The following POU1F1 variants were observed in gnomAD, a reference collection of about 807,000 sequenced individuals.
POU1F1 encodes the protein pituitary-specific positive transcription factor 1.
POU1F1 carries 23 observed loss-of-function variants against 32.3 expected under a neutral mutation model. That is an observed-to-expected ratio of 0.71 (90% CI 0.51 to 1.01). The LOEUF is 1.01. Among genes scored for constraint, POU1F1 ranks in the 50% least tolerant of loss-of-function variants. POU1F1 has a pLI of 0.00. For synonymous variants in POU1F1, 120 were observed against 115.6 expected (o/e 1.04, Z -0.25); for missense variants, 323 against 341.6 (o/e 0.95, Z 0.43).
chr3:87,270,556 C>T (rs769077966), intron 2 of POU1F1, among the ~76,000 whole-genome samples: 1 of 152,014 alleles, frequency 6.6e-6, no homozygotes, highest in Admixed American at 6.6e-5. Flanking sequence ...ATGAAATAAC[C>T]ATATGAAAAT....
chr3:87,264,171 C>G (rs1706568348), intron 3 of POU1F1, 117 bp downstream of exon 3: 6 of 837,218 alleles, frequency 7.2e-6, no homozygotes, highest in Admixed American at 2.0e-5. Flanking sequence ...ACTACGTCCA[C>G]AGTAGAGATG....
chr3:87,273,532 C>T lies in POU1F1; in HGVS notation c.143-114G>A, dbSNP rs750567346. 1.3e-4 allele frequency: 202 copies of T among 1,509,444 alleles called. 2 individuals carry two copies. Among genetic ancestry groups the T allele is most frequent in the South Asian group, 8.3e-4 (67 of 80,470 alleles). The allele number at this position is 1,509,444 out of a possible 1,614,324, so 93.5% of individuals were successfully genotyped here. On this transcript the variant is annotated intron_variant, in intron 1 of 5. Transcript: ENST00000350375. ...AATGTATAAGGATTCAAGACACATT[C>T]GTTTTATTTCAAAAATACACATTTA...
chr3:87,268,084 C>CCTTTTTTTTTTT (rs747971339), intron 2 of POU1F1, among the ~76,000 whole-genome samples: 2 of 116,468 alleles, frequency 1.7e-5, no homozygotes, highest in Non-Finnish European at 3.5e-5. Flanking sequence ...TTCCCTTTCC[C>CCTTTTTTTTTTT]TTTTTTTTTT....
rs1706832834 is a variant in POU1F1, at chr3:87,276,565, A to G, written c.-103T>C. The G allele has an allele frequency of 5.2e-6, 7 of 1,357,272 alleles. No homozygotes were observed. The Admixed American group carries it at 9.8e-5, about 19-fold the overall frequency. The allele number at this position is 1,357,272 out of a possible 1,614,324, so 84.1% of individuals were successfully genotyped here. On this transcript the variant is annotated 5_prime_UTR_variant, in exon 1 of 6. Transcript: ENST00000350375. ...CCGATTCAATTCTCACTACCTGCAT[A>G]TATACATCAGGAAGGCTCTGAGGCA...
chr3:87,260,102 A>G lies in POU1F1; in HGVS notation c.668T>C (p.Ile223Thr). Residue 223 changes from isoleucine to threonine, a missense_variant and splice_region_variant, in exon 6 of 6, where the codon ATT (isoleucine) becomes ACT (threonine). Coordinates refer to ENST00000350375, the MANE Select transcript of POU1F1 (RefSeq NM_000306.4). ...TCTCTCCAGAGCATCTTTAGCAGCA[A>G]TGCTGGCGGGGGGTGGACATAGGGG... ...RKRKRRTTIS[I>T]AAKDALERHF... The G allele has an allele frequency of 6.2e-7, 1 of 1,612,596 alleles. No homozygotes were observed. Among genetic ancestry groups the G allele is most frequent in the Non-Finnish European group, 8.5e-7 (1 of 1,179,090 alleles).
chr3:87,268,511 C>G (rs1706668669), intron 2 of POU1F1, among the ~76,000 whole-genome samples: 1 of 152,122 alleles, frequency 6.6e-6, no homozygotes, highest in African/African-American at 2.4e-5. Flanking sequence ...TTTAAAAGAA[C>G]AGCCAAACGA....
At chr3:87,269,222 C>T (rs1706680616) in intron 2 of POU1F1, among the ~76,000 whole-genome samples, 1 of 152,154 alleles carries the variant, frequency 6.6e-6, no homozygotes, top group Non-Finnish European at 1.5e-5. Flanking sequence ...CAACTGGGGC[C>T]TATTGCCTGT....
At chr3:87,260,167 A>T in intron 5 of POU1F1, 63 bp from the exon 6 acceptor site, 1 of 1,314,962 alleles carries the variant, frequency 7.6e-7, no homozygotes, top group African/African-American at 1.5e-5. Flanking sequence ...TTGGCAGCTC[A>T]AAATTAAGGT....
chr3:87,267,790 C>T (rs1021329201), intron 2 of POU1F1, among the ~76,000 whole-genome samples: 6 of 152,016 alleles, frequency 3.9e-5, no homozygotes, highest in Non-Finnish European at 8.8e-5. Flanking sequence ...ATTTTTTGCA[C>T]AGACGGGATC....
chr3:87,276,474 A>G lies in POU1F1; in HGVS notation c.-12T>C, dbSNP rs1488874060. On this transcript the variant is annotated 5_prime_UTR_variant, in exon 1 of 6. Coordinates refer to ENST00000350375, the MANE Select transcript of POU1F1 (RefSeq NM_000306.4). Reference sequence around the variant, plus strand: ...GCTTGGCAACTCATTCCCACAAGAGAGTAGAAAAATAAGGAGAACCGCTGC... The same window carrying G: ...GCTTGGCAACTCATTCCCACAAGAGGGTAGAAAAATAAGGAGAACCGCTGC... The G allele has an allele frequency of 6.2e-7, 1 of 1,613,516 alleles. No homozygotes were observed. Among genetic ancestry groups the G allele is most frequent in the South Asian group, 1.1e-5 (1 of 91,054 alleles).
At chr3:87,270,676 T>C (rs1706706804) in intron 2 of POU1F1, among the ~76,000 whole-genome samples, 1 of 152,172 alleles carries the variant, frequency 6.6e-6, no homozygotes, top group African/African-American at 2.4e-5. Flanking sequence ...GTGGATTGTG[T>C]GCAAGGGGCT....
intron 2 of POU1F1, among the ~76,000 whole-genome samples, chr3:87,266,226 A>G (rs1281025061): frequency 6.8e-6 from 1 of 146,922 alleles, no homozygotes; most frequent in Non-Finnish European, 1.5e-5. Flanking sequence ...TATTTATTTA[A>G]TTTAATTTAT....
At chr3:87,269,622 T>C (rs996883759) in intron 2 of POU1F1, among the ~76,000 whole-genome samples, 4 of 152,178 alleles carry the variant, frequency 2.6e-5, no homozygotes, top group African/African-American at 9.6e-5. Context: ...CCCTGTCAGT[T>C]GCCAGGCTGA....
intron 2 of POU1F1, among the ~76,000 whole-genome samples, chr3:87,272,821 T>C (rs899206141): frequency 2.0e-5 from 3 of 152,046 alleles, no homozygotes; most frequent in African/African-American, 7.2e-5. Flanking sequence ...TTTATGTTTA[T>C]GGACCAAAGG....
At chr3:87,263,077 G>A (rs1179577833) in intron 3 of POU1F1, among the ~76,000 whole-genome samples, 1 of 152,032 alleles carries the variant, frequency 6.6e-6, no homozygotes, top group African/African-American at 2.4e-5. Context: ...CATTCTGCAA[G>A]TGCAGAGGTT....
chr3:87,264,225 T>A (rs4988461), intron 3 of POU1F1, 63 bp downstream of exon 3: 1 of 1,301,720 alleles, frequency 7.7e-7, no homozygotes, highest in Non-Finnish European at 1.1e-6. Context: ...ATATAAGAGA[T>A]TTAACAGCAA....
At chr3:87,272,752 C>A (rs914086104) in intron 2 of POU1F1, among the ~76,000 whole-genome samples, 2 of 152,144 alleles carry the variant, frequency 1.3e-5, no homozygotes, top group East Asian at 3.8e-4. Context: ...GCTGCTAAAG[C>A]CTGAAACAGC....
intron 2 of POU1F1, among the ~76,000 whole-genome samples, chr3:87,272,496 T>C (rs1293381534): frequency 6.6e-6 from 1 of 152,166 alleles, no homozygotes; most frequent in African/African-American, 2.4e-5. Flanking sequence ...AACTGTGTAC[T>C]TTTTAAAAAC....
chr3:87,275,391 A>T (rs931308914), intron 1 of POU1F1, among the ~76,000 whole-genome samples: 1 of 152,074 alleles, frequency 6.6e-6, no homozygotes, highest in Non-Finnish European at 1.5e-5. Flanking sequence ...TAGAGCTTAA[A>T]TCCTTCAAAT....
Sources: gnomAD v4.1 joint callset for allele counts (sites outside exome capture counted in the v4.1 genomes callset) on GRCh38, gnomAD v4.1.1 for gene constraint, MANE v1.5 for transcripts, NCBI Gene and HGNC (gene_info 2026-07-23, HGNC 2026-07-21) for gene names.